MXD3: variants seen among roughly 807,000 people sequenced by gnomAD.
MXD3 encodes the protein Max-associated protein 3.
MXD3 carries 20 observed loss-of-function variants against 27.5 expected under a neutral mutation model. The ratio of observed to expected loss-of-function variants is 0.73; its 90% CI spans 0.51 to 1.06. The LOEUF (loss-of-function observed/expected upper bound fraction) is 1.06. MXD3 is among the 50% of genes least tolerant of loss of function. MXD3 has a pLI of 0.00. For synonymous variants in MXD3, 150 were observed against 130.7 expected (o/e 1.15, Z -1.01); for missense variants, 298 against 291.3 (o/e 1.02, Z -0.17).
chr5:177,311,831 G>T lies in MXD3; in HGVS notation c.-1C>A. On this transcript the variant is annotated 5_prime_UTR_variant, in exon 1 of 6. Transcript: ENST00000439742. ...GGATGTTGCTGGCCAAGGGTTCCAT[G>T]TCGGCGACAGCTGGCGGCGGGCCGG... 6.2e-7 allele frequency: 1 copy of T among 1,611,510 alleles called. No homozygotes were observed. The highest frequency in any genetic ancestry group is 8.5e-7 in the Non-Finnish European group (1 of 1,178,768).
intron 2 of MXD3, 148 bp from the exon 3 acceptor site, chr5:177,310,845 G>C: frequency 1.1e-6 from 1 of 878,618 alleles, no homozygotes; most frequent in South Asian, 1.6e-5. Context: ...AGACACCAGA[G>C]TCCCCTGGCA....
intron 4 of MXD3, among the ~76,000 whole-genome samples, chr5:177,309,932 TCTC>T (rs1760991763): frequency 6.6e-6 from 1 of 152,192 alleles, no homozygotes; most frequent in South Asian, 2.1e-4. Flanking sequence ...ACTGGCGTCT[TCTC>T]AGTCCTTTCC....
Position 177,307,214 on chromosome 5 carries a change from GAA to G in MXD3, c.*372_*373del. 4.5e-6 allele frequency: 7 copies of G among 1,551,682 alleles called. No individual in the cohort carries two copies. The highest frequency in any genetic ancestry group is 6.1e-6 in the Non-Finnish European group (7 of 1,146,968). ...GGCAAGACTATGGACGGGAAGTTAT[GAA>G]AGAGGCTTTTAATGAAAATACTGTA... On this transcript the variant is annotated 3_prime_UTR_variant, in exon 6 of 6. Transcript: ENST00000439742.
chr5:177,311,948 G>C, upstream of MXD3: 1 of 1,238,472 alleles, frequency 8.1e-7, no homozygotes, highest in Non-Finnish European at 1.1e-6. Flanking sequence ...CCCCGCCCCC[G>C]GGACGCCCCG....
chr5:177,311,527 CT>C, intron 1 of MXD3, 43 bp from the exon 2 acceptor site: 1 of 1,381,740 alleles, frequency 7.2e-7, no homozygotes. Context: ...GGGGCTGGAC[CT>C]GGTCCCAGCG....
intron 2 of MXD3, 66 bp downstream of exon 2, chr5:177,311,313 G>A (rs1761031347): frequency 8.8e-7 from 1 of 1,132,452 alleles, no homozygotes; most frequent in Non-Finnish European, 1.2e-6. Flanking sequence ...CAAGTGGGCA[G>A]AGGAGGGCCC....
downstream of MXD3, chr5:177,306,044 T>C: frequency 2.5e-6 from 4 of 1,599,810 alleles, no homozygotes; most frequent in South Asian, 1.1e-5. Flanking sequence ...GTGTTGGGGC[T>C]GGGCTGGGGT....
At position 177,310,533 on chromosome 5, in the gene MXD3, G is replaced by A. The variant is rs1192363862; in HGVS notation, c.214C>T (p.Gln72Ter). ...AGCCGCTCCAGGCACCGCTTCAACT[G>A]GGCCCTCCTGTGGGGAAGAGGTCTG... is the stretch of plus-strand genomic sequence containing the variant. ...HNELEKRRRA[Q>*]LKRCLERLKQ... The change falls in exon 4 of 6, where the codon CAG becomes TAG. Residue 72 changes from glutamine (Q) to a stop codon, truncating the protein, a stop_gained. Coordinates refer to ENST00000439742, the MANE Select transcript of MXD3 (RefSeq NM_031300.4). LOFTEE classifies it high-confidence loss of function. 1 of 1,610,970 alleles carries A rather than the reference G, an allele frequency of 6.2e-7. No individual in the cohort carries two copies. Among genetic ancestry groups the A allele is most frequent in the Non-Finnish European group, 8.5e-7 (1 of 1,178,634 alleles).
At chr5:177,306,367 A>G, downstream of MXD3, 3 of 1,611,658 alleles carry the variant, frequency 1.9e-6, no homozygotes, top group Non-Finnish European at 2.5e-6. Flanking sequence ...GGGGAGGGAA[A>G]TTAGGTTGGT....
downstream of MXD3, chr5:177,305,673 CAGAAG>C: frequency 1.7e-6 from 1 of 590,834 alleles, no homozygotes; most frequent in Non-Finnish European, 3.0e-6. Context: ...GTTTAAGAGT[CAGAAG>C]AGAGGTTTTC....
In MXD3 at chr5:177,310,791, G is replaced by A. The variant is rs1434108600; in HGVS notation, c.177-94C>T. On this transcript the variant is annotated intron_variant, in intron 2 of 5. Transcript: ENST00000439742. ...CAGTGGCTCAAGAGCCACTACAGAT[G>A]TCTGCCCCAAACAAGTCCCCTGTGG... 3.5e-6 allele frequency: 5 copies of A among 1,438,470 alleles called. No individual in the cohort carries two copies. The African/African-American group carries it at 7.0e-5, about 20-fold the overall frequency. The allele number at this position is 1,438,470 out of a possible 1,614,324, so 89.1% of individuals were successfully genotyped here.
At chr5:177,311,057 G>T in intron 2 of MXD3, 1 of 548,496 alleles carries the variant, frequency 1.8e-6, no homozygotes, top group Non-Finnish European at 3.2e-6. Context: ...TATGCAAAGG[G>T]CTGGGGAGAG....
upstream of MXD3, chr5:177,312,195 C>T: frequency 2.0e-6 from 2 of 1,020,778 alleles, no homozygotes; most frequent in Non-Finnish European, 2.4e-6. Context: ...GCTTCCAGCC[C>T]CGTGCTAGTG....
At chr5:177,306,504 G>A, downstream of MXD3, 8 of 1,613,572 alleles carry the variant, frequency 5.0e-6, no homozygotes, top group Non-Finnish European at 6.8e-6. Flanking sequence ...CAGCTACAGA[G>A]AAGGCCAAGG....
intron 1 of MXD3, 40 bp downstream of exon 1, chr5:177,311,721 G>T: frequency 6.3e-7 from 1 of 1,597,534 alleles, no homozygotes; most frequent in African/African-American, 1.3e-5. Context: ...CCGTGTCAGC[G>T]AGGTCGCCGC....
Position 177,307,637 on chromosome 5 carries a change from A to G in MXD3, c.572T>C (p.Val191Ala). ...CGAGTAGCTGTGCTCCTGGCCGGCG[A>G]CGAAGCCCCGCAGCAGCTCGGCCTC... ...GGEAELLRGFVAGQEHSYSHG... is the reference protein window; with the variant it reads ...GGEAELLRGFAAGQEHSYSHG... The change falls in exon 6 of 6, where the codon GTC becomes GCC. Residue 191 changes from valine (V) to alanine (A), a missense_variant. Coordinates refer to ENST00000439742, the MANE Select transcript of MXD3 (RefSeq NM_031300.4). 1 of 1,613,326 alleles carries G rather than the reference A, an allele frequency of 6.2e-7. No individual in the cohort carries two copies. Among genetic ancestry groups the G allele is most frequent in the Non-Finnish European group, 8.5e-7 (1 of 1,179,914 alleles).
chr5:177,308,394 A>G (rs1760947849), intron 4 of MXD3, among the ~76,000 whole-genome samples: 1 of 151,424 alleles, frequency 6.6e-6, no homozygotes, highest in Non-Finnish European at 1.5e-5. Flanking sequence ...TTTTTTTGAA[A>G]CAGAGTCTCG....
chr5:177,307,454 G>A lies in MXD3; in HGVS notation c.*134C>T, dbSNP rs1483948805. 1.3e-6 allele frequency: 2 copies of A among 1,528,106 alleles called. No homozygotes were observed. Among genetic ancestry groups the A allele is most frequent in the Non-Finnish European group, 1.8e-6 (2 of 1,136,060 alleles). 94.7% of individuals were successfully genotyped at this position (1,528,106 alleles called of 1,614,324 possible). A position where few individuals can be genotyped will look rare whatever the true frequency, so the allele number is the denominator to read the frequency against. On this transcript the variant is annotated 3_prime_UTR_variant, in exon 6 of 6. Transcript: ENST00000439742. ...GCAGCAGGGTGTTTGGGGAGCACCT[G>A]TTCCCACACAAGGGTCCTTTTAGTC...
At chr5:177,312,060 T>C (rs1761052570), upstream of MXD3, 3 of 1,212,108 alleles carry the variant, frequency 2.5e-6, no homozygotes, top group Non-Finnish European at 3.1e-6. Context: ...TCTCAGACTT[T>C]CCAGGGGCAG....
Sources: allele counts gnomAD v4.1 joint callset (sites outside exome capture counted in the v4.1 genomes callset), GRCh38; gene constraint gnomAD v4.1.1; transcripts MANE v1.5; gene names NCBI Gene and HGNC (gene_info 2026-07-23, HGNC 2026-07-21).